SPTBN1: variants seen among roughly 807,000 people sequenced by gnomAD.
SPTBN1 encodes spectrin beta chain, non-erythrocytic 1.
Under a neutral mutation model 266.4 loss-of-function variants are expected in SPTBN1, and 32 were observed. The observed-to-expected ratio is 0.12, with a 90% CI of 0.09 to 0.16. The LOEUF is 0.16. Ranked by LOEUF, SPTBN1 falls within the 10% of genes least tolerant of loss-of-function variation. SPTBN1 has a pLI of 1.00. For synonymous variants in SPTBN1, 1,336 were observed against 1,162.2 expected, an observed-to-expected ratio of 1.15 and a Z score of -3.04; for missense variants, 2,296 against 3,067.1, an observed-to-expected ratio of 0.75 and a Z score of 5.94.
At position 54,668,555 on chromosome 2, in the gene SPTBN1, G is replaced by A; in HGVS notation, c.7081G>A (p.Gly2361Ser). The change falls in exon 36 of 36, where the codon GGC (glycine) becomes AGC (serine). Residue 2361 changes from glycine to serine, a missense_variant. Coordinates refer to ENST00000356805, the MANE Select transcript of SPTBN1 (RefSeq NM_003128.3). ...CAAAGAGAAGCGGTTCAGCCTTTTT[G>A]GCAAAAAGAAATGAACTCCTTTCCT... ...KDKEKRFSLF[G>S]KKK is the part of the protein sequence containing the mutation. 1 of 1,613,156 alleles carries A rather than the reference G, an allele frequency of 6.2e-7. No individual in the cohort carries two copies. Among genetic ancestry groups the A allele is most frequent in the Non-Finnish European group, 8.5e-7 (1 of 1,179,586 alleles).
In SPTBN1 at chr2:54,659,207, G is replaced by A; in HGVS notation, c.6297G>A (p.Arg2099=). 6.2e-7 allele frequency: 1 copy of A among 1,614,074 alleles called. No homozygotes were observed. Among genetic ancestry groups the A allele is most frequent in the Non-Finnish European group, 8.5e-7 (1 of 1,179,976 alleles). The part of the protein sequence containing the change: ...RQQEEEERKR[R]PPSPEPSTKV... ...AAGAGGAAGAGGAGAGGAAGAGGCG[G>A]CCGCCTTCTCCCGAGCCGAGCACGA... Residue 2099 remains arginine, a synonymous_variant, in exon 31 of 36, where the codon CGG becomes CGA. Transcript: ENST00000356805.
intron 1 of SPTBN1, among the ~76,000 whole-genome samples, chr2:54,493,413 G>GGGGGGC (rs1553433736): frequency 2.3e-5 from 2 of 87,346 alleles, no homozygotes; most frequent in East Asian, 4.7e-4. Flanking sequence ...TTTCTTTTTT[G>GGGGGGC]GGGGGTTGGG....
At chr2:54,639,317 G>A (rs12479120) in intron 18 of SPTBN1, among the ~76,000 whole-genome samples, 10 of 152,190 alleles carry the variant, frequency 6.6e-5, no homozygotes, top group Admixed American at 6.5e-4. Flanking sequence ...CTTGGGCTGG[G>A]CCTTCCACAG....
At chr2:54,559,540 A>G (rs13423873) in intron 2 of SPTBN1, among the ~76,000 whole-genome samples, 51,149 of 152,046 alleles carry the variant, frequency 0.34, 11,044 homozygotes, top group African/African-American at 0.62. Context: ...GGCTCAGACA[A>G]TTGAATGAGT....
Position 54,629,599 on chromosome 2 carries a change from G to T in SPTBN1, c.2465G>T (p.Gly822Val). 1 of 1,614,038 alleles carries T rather than the reference G, an allele frequency of 6.2e-7. No individual in the cohort carries two copies. Among genetic ancestry groups the T allele is most frequent in the Non-Finnish European group, 8.5e-7 (1 of 1,180,040 alleles). The change falls in exon 14 of 36, where the codon GGC becomes GTC. Residue 822 changes from glycine to valine, a missense_variant. Transcript: ENST00000356805. The part of the protein sequence containing the change: ...QEHAESPDVR[G>V]RLSGIEERYK... ...CATGCCGAGTCTCCAGACGTGAGGG[G>T]CAGGCTGTCGGGCATCGAGGAGCGG...
chr2:54,653,489 A>G lies in SPTBN1; in HGVS notation c.5578-120A>G, dbSNP rs1680442087. 1.4e-6 allele frequency: 2 copies of G among 1,478,438 alleles called. No individual in the cohort carries two copies. The highest frequency in any genetic ancestry group is 1.4e-5 in the South Asian group (1 of 73,532). The allele number at this position is 1,478,438 out of a possible 1,614,324, so 91.6% of individuals were successfully genotyped here. A position where few individuals can be genotyped will look rare whatever the true frequency, so the allele number is the denominator to read the frequency against. ...TGAAATTGAGGGCTCCTTAAGGGGC[A>G]TGGGCCATATTTTGACTCTGTGCTC... On this transcript the variant is annotated intron_variant, in intron 26 of 35. Transcript: ENST00000356805. The surrounding 1 kb of genome is among the most constrained non-coding windows in gnomAD (Gnocchi z 5.1).
rs191098334 is a variant in SPTBN1 at position 54,630,070 on chromosome 2, G to A, written c.2807+41G>A. ...GCAGTGTGCCAGCCTCCCACGTGTG[G>A]GACTGGGGAGGGTGAGGTCACTCAT... On this transcript the variant is annotated intron_variant, in intron 15 of 35. Coordinates refer to ENST00000356805, the MANE Select transcript of SPTBN1 (RefSeq NM_003128.3). 14 of 1,596,500 alleles carry A rather than the reference G, an allele frequency of 8.8e-6. No individual in the cohort carries two copies. In the African/African-American group the frequency reaches 1.7e-4, roughly 20 times the overall value.
chr2:54,624,461 T>A (rs1359678830), intron 10 of SPTBN1, among the ~76,000 whole-genome samples: 1 of 152,192 alleles, frequency 6.6e-6, no homozygotes, highest in Non-Finnish European at 1.5e-5. Context: ...GAAGAATCAT[T>A]TATCTTTTTT....
At chr2:54,481,091 T>C (rs375769280) in intron 1 of SPTBN1, among the ~76,000 whole-genome samples, 6 of 152,030 alleles carry the variant, frequency 3.9e-5, no homozygotes, top group African/African-American at 1.5e-4. Context: ...GAGGATCACT[T>C]GAGCCCAGGA....
In SPTBN1 at chr2:54,629,573, G is replaced by T; in HGVS notation, c.2439G>T (p.Glu813Asp). 1 of 1,614,088 alleles carries T rather than the reference G, an allele frequency of 6.2e-7. No homozygotes were observed. The highest frequency in any genetic ancestry group is 8.5e-7 in the Non-Finnish European group (1 of 1,180,036). The change falls in exon 14 of 36, where the codon GAG (glutamate) becomes GAT (aspartate). Residue 813 changes from glutamate (E) to aspartate (D), a missense_variant. By Grantham distance (45) the Glu-to-Asp change is conservative. This residue lies in a region of SPTBN1 where 434 missense variants were observed against 573.9 expected (regional missense o/e 0.76). Transcript: ENST00000356805. ...AACAAGCCAGCGCCCTCCCCCAGGA[G>T]CATGCCGAGTCTCCAGACGTGAGGG... ...LHEQASALPQ[E>D]HAESPDVRGR...
At position 54,637,726 on chromosome 2, in the gene SPTBN1, C is replaced by A. The variant is rs765210317; in HGVS notation, c.3781C>A (p.Arg1261Ser). 1 of 1,613,278 alleles carries A rather than the reference C, an allele frequency of 6.2e-7. No homozygotes were observed. Among genetic ancestry groups the A allele is most frequent in the Non-Finnish European group, 8.5e-7 (1 of 1,179,456 alleles). ...CCATTCTAATAGACATAGGAAGAAT[C>A]GTGAGACAGCCAGTGAACTTTTGAT... ...DSIDDRHRKN[R>S]ETASELLMRL... The change falls in exon 18 of 36, where the codon CGT becomes AGT. Residue 1261 changes from arginine (R) to serine (S), a missense_variant. This residue lies in a region of SPTBN1 where 386 missense variants were observed against 486.1 expected (regional missense o/e 0.79). Transcript: ENST00000356805.
chr2:54,656,292 T>A (rs906407707), intron 29 of SPTBN1, among the ~76,000 whole-genome samples: 8 of 152,200 alleles, frequency 5.3e-5, no homozygotes, highest in African/African-American at 1.9e-4. Flanking sequence ...CTCTCCCCCA[T>A]TTGTCTTCAA....
At chr2:54,583,414 C>G (rs1166627386) in intron 2 of SPTBN1, among the ~76,000 whole-genome samples, 2 of 151,968 alleles carry the variant, frequency 1.3e-5, no homozygotes, top group African/African-American at 2.4e-5. Flanking sequence ...GAGGTGGAAC[C>G]CCAGTAAATC....
intron 2 of SPTBN1, among the ~76,000 whole-genome samples, chr2:54,555,831 ATGTCTACC>A (rs1672833333): frequency 6.6e-6 from 1 of 152,086 alleles, no homozygotes; most frequent in African/African-American, 2.4e-5. Flanking sequence ...CAGCCTGTTG[ATGTCTACC>A]TGTGTTTCAA....
At position 54,656,013 on chromosome 2, in the gene SPTBN1, T is replaced by G. The variant is rs1202701723; in HGVS notation, c.6046+15T>G. On this transcript the variant is annotated intron_variant, in intron 29 of 35. Coordinates refer to ENST00000356805, the MANE Select transcript of SPTBN1 (RefSeq NM_003128.3). ...GTTAAGACTGAGTAAGGATGTAGTT[T>G]ATCTTTCTGCTCTTTTGGGTATCAA... 1 of 1,602,332 alleles carries G rather than the reference T, an allele frequency of 6.2e-7. No individual in the cohort carries two copies. The highest frequency in any genetic ancestry group is 1.1e-5 in the South Asian group (1 of 90,106).
intron 2 of SPTBN1, among the ~76,000 whole-genome samples, chr2:54,534,852 C>G (rs1671506477): frequency 6.6e-6 from 1 of 152,216 alleles, no homozygotes; most frequent in African/African-American, 2.4e-5. Flanking sequence ...CACTCATCCC[C>G]CTTCCTGGCC....
Position 54,630,046 on chromosome 2 carries a change from C to T in SPTBN1, c.2807+17C>T, listed in dbSNP as rs1678628694. The T allele has an allele frequency of 1.9e-6, 3 of 1,610,374 alleles. No homozygotes were observed. The highest frequency in any genetic ancestry group is 2.2e-5 in the East Asian group (1 of 44,652). On this transcript the variant is annotated intron_variant, in intron 15 of 35. Transcript: ENST00000356805. Reference sequence around the variant, plus strand: ...CAACACAAGGTGAGCACGTGGCCAGCAGTGTGCCAGCCTCCCACGTGTGGG... The same window carrying T: ...CAACACAAGGTGAGCACGTGGCCAGTAGTGTGCCAGCCTCCCACGTGTGGG...
chr2:54,508,056 ATCT>A (rs1209685987), intron 1 of SPTBN1, among the ~76,000 whole-genome samples: 1 of 152,198 alleles, frequency 6.6e-6, no homozygotes, highest in African/African-American at 2.4e-5. Flanking sequence ...GCCACTGAAG[ATCT>A]TCTATCCACT....
At position 54,653,561 on chromosome 2, in the gene SPTBN1, G is replaced by A. The variant is rs1203149818; in HGVS notation, c.5578-48G>A. ...AGAATAGGGCTTGGGGTGATGGTGG[G>A]AAGGCCGCCATGGGCTGACCTGGCT... On this transcript the variant is annotated intron_variant, in intron 26 of 35. Coordinates refer to ENST00000356805, the MANE Select transcript of SPTBN1 (RefSeq NM_003128.3). This position sits in a 1 kb window ranked among gnomAD's most constrained non-coding sequence, Gnocchi z 5.1. The A allele has an allele frequency of 1.3e-6, 2 of 1,595,846 alleles. No individual in the cohort carries two copies. The highest frequency in any genetic ancestry group is 1.7e-6 in the Non-Finnish European group (2 of 1,175,174).
Sources: gnomAD v4.1 joint callset for allele counts (sites outside exome capture counted in the v4.1 genomes callset) on GRCh38, gnomAD v4.1.1 for gene constraint, gnomAD v4.1.1 regional missense constraint, Gnocchi (gnomAD v3.1) non-coding constraint, MANE v1.5 for transcripts, NCBI Gene and HGNC (gene_info 2026-07-23, HGNC 2026-07-21) for gene names.